POMGNT2: variants seen among roughly 807,000 people sequenced by gnomAD.
POMGNT2 encodes protein O-linked mannose N-acetylglucosaminyltransferase 2 (beta 1,4-), also known as protein O-linked-mannose beta-1,4-N-acetylglucosaminyltransferase 2.
A neutral mutation model predicts 37.8 loss-of-function variants in POMGNT2; 32 were observed. That is an observed-to-expected ratio of 0.85 (90% CI 0.64 to 1.14). POMGNT2 has a LOEUF of 1.14. Ranked by LOEUF, POMGNT2 falls within the 50% of genes most tolerant of loss-of-function variation. The pLI is 0.00. For synonymous variants in POMGNT2, 340 were observed against 336.8 expected (o/e 1.01, Z -0.10); for missense variants, 705 against 780.6 (o/e 0.90, Z 1.15).
Position 43,080,327 on chromosome 3 carries a change from C to T in POMGNT2, c.1105G>A (p.Val369Ile), listed in dbSNP as rs2125699956. Residue 369 changes from valine (V) to isoleucine (I), a missense_variant, in exon 2 of 2, where the codon GTC becomes ATC. Coordinates refer to ENST00000344697, the MANE Select transcript of POMGNT2 (RefSeq NM_032806.6). ...ATVVELFPYA[V>I]NPDHYTPYKT... ...TAGGGAGTGTAGTGGTCGGGATTGA[C>T]AGCATATGGGAAGAGCTCTACCACA... 2 of 1,614,180 alleles carry T rather than the reference C, an allele frequency of 1.2e-6. No homozygotes were observed. Among genetic ancestry groups the T allele is most frequent in the East Asian group, 2.2e-5 (1 of 44,872 alleles).
In POMGNT2 at chr3:43,080,974, G is replaced by T; in HGVS notation, c.458C>A (p.Ala153Asp). ...GGGGTTGAAGCGGTTGGCGATGAGG[G>T]CCACGTCTGGCACGAACACCGGCTT... ...MPKPVFVPDV[A>D]LIANRFNPDN... Residue 153 changes from alanine to aspartate, a missense_variant, in exon 2 of 2, where the codon GCC becomes GAC. Coordinates refer to ENST00000344697, the MANE Select transcript of POMGNT2 (RefSeq NM_032806.6). 1.9e-6 allele frequency: 3 copies of T among 1,614,228 alleles called. No individual in the cohort carries two copies. Among genetic ancestry groups the T allele is most frequent in the Non-Finnish European group, 2.5e-6 (3 of 1,180,038 alleles).
chr3:43,101,392 GC>G (rs2090018168), intron 1 of POMGNT2, among the ~76,000 whole-genome samples: 1 of 152,138 alleles, frequency 6.6e-6, no homozygotes, highest in African/African-American at 2.4e-5. Context: ...AAGTGGTCTA[GC>G]AAAAAACAAA....
chr3:43,081,281 T>A lies in POMGNT2; in HGVS notation c.151A>T (p.Ile51Phe). Residue 51 changes from isoleucine to phenylalanine, a missense_variant, in exon 2 of 2, where the codon ATC becomes TTC. By Grantham distance (21) the Ile-to-Phe change is conservative. Coordinates refer to ENST00000344697, the MANE Select transcript of POMGNT2 (RefSeq NM_032806.6). Reference protein sequence around the residue: ...QATEPAPALRIDYPKALQILM... With the variant: ...QATEPAPALRFDYPKALQILM... Reference sequence around the variant, plus strand: ...ATCTGCAGTGCCTTCGGGTAGTCGATCCTCAGTGCTGGGGCTGGCTCTGTG... The same window carrying A: ...ATCTGCAGTGCCTTCGGGTAGTCGAACCTCAGTGCTGGGGCTGGCTCTGTG... The A allele has an allele frequency of 6.2e-7, 1 of 1,613,284 alleles. No individual in the cohort carries two copies.
intron 1 of POMGNT2, among the ~76,000 whole-genome samples, chr3:43,096,105 T>C (rs1413590161): frequency 6.6e-6 from 1 of 152,182 alleles, no homozygotes; most frequent in Non-Finnish European, 1.5e-5. Context: ...TGCTTTCCTT[T>C]AGAAAAGCGG....
At chr3:43,092,525 T>G (rs2089951530) in intron 1 of POMGNT2, among the ~76,000 whole-genome samples, 1 of 152,182 alleles carries the variant, frequency 6.6e-6, no homozygotes, top group Admixed American at 6.5e-5. Context: ...ATTGAACTCT[T>G]GTCCTCAAGC....
At chr3:43,093,284 C>T (rs182282882) in intron 1 of POMGNT2, among the ~76,000 whole-genome samples, 190 of 152,320 alleles carry the variant, frequency 1.2e-3, no homozygotes, top group East Asian at 3.9e-4. Flanking sequence ...GTGAGGCAAA[C>T]TGGCAACTAA....
At chr3:43,097,822 G>C (rs12634345) in intron 1 of POMGNT2, among the ~76,000 whole-genome samples, 6,362 of 152,316 alleles carry the variant, frequency 0.042, 212 homozygotes, top group South Asian at 0.15. Context: ...ATTGAGTGAA[G>C]ACAACGTGCA....
intron 1 of POMGNT2, among the ~76,000 whole-genome samples, chr3:43,093,400 T>TC (rs986365743): frequency 3.0e-4 from 45 of 152,166 alleles, no homozygotes; most frequent in African/African-American, 1.0e-3. Flanking sequence ...CATCCTCCTA[T>TC]CCCCACTCTC....
Position 43,080,131 on chromosome 3 carries a change from T to C in POMGNT2, c.1301A>G (p.His434Arg). ...CCACTCGGGGTTCCGGCAACAGAGATGCCGTGGGACCTCACGGCTTTGCAG... is the reference window on the plus strand; with the variant it reads ...CCACTCGGGGTTCCGGCAACAGAGACGCCGTGGGACCTCACGGCTTTGCAG... ...RILQSREVPR[H>R]LCCRNPEWLF... The change falls in exon 2 of 2, where the codon CAT becomes CGT. Residue 434 changes from histidine (H) to arginine (R), a missense_variant. Physicochemically the swap from His to Arg is conservative, Grantham distance 29. Coordinates refer to ENST00000344697, the MANE Select transcript of POMGNT2 (RefSeq NM_032806.6). The C allele has an allele frequency of 6.2e-7, 1 of 1,613,940 alleles. No individual in the cohort carries two copies. The highest frequency in any genetic ancestry group is 1.3e-5 in the African/African-American group (1 of 75,058).
intron 1 of POMGNT2, among the ~76,000 whole-genome samples, chr3:43,097,197 G>A (rs764542890): frequency 9.2e-5 from 14 of 152,306 alleles, no homozygotes; most frequent in South Asian, 2.1e-4. Flanking sequence ...AGAGTAGGAG[G>A]TGCACACTCA....
rs2089825108 is a variant in POMGNT2, at chr3:43,079,476, C to CA, written c.*212dup. On this transcript the variant is annotated 3_prime_UTR_variant, in exon 2 of 2. Transcript: ENST00000344697. ...CTGCTAAGGAACTTCTCCAGGGGTA[C>CA]AAATGTTCAGGATGGGAGAAGGGGA... 1.9e-6 allele frequency: 1 copy of CA among 529,954 alleles called. No individual in the cohort carries two copies. The highest frequency in any genetic ancestry group is 1.9e-5 in the African/African-American group (1 of 52,020). 32.8% of individuals were successfully genotyped at this position (529,954 alleles called of 1,614,324 possible).
intron 1 of POMGNT2, among the ~76,000 whole-genome samples, chr3:43,085,674 A>G (rs2089892439): frequency 1.3e-5 from 2 of 152,038 alleles, no homozygotes. Flanking sequence ...AAACGGACTA[A>G]TACGCTATCC....
intron 1 of POMGNT2, among the ~76,000 whole-genome samples, chr3:43,095,463 T>C (rs1448086690): frequency 1.3e-5 from 2 of 151,968 alleles, no homozygotes; most frequent in African/African-American, 4.8e-5. Flanking sequence ...AAAAAACAGA[T>C]CAGCCCTTTT....
In POMGNT2 at chr3:43,080,128, A is replaced by G. The variant is rs142458115; in HGVS notation, c.1304T>C (p.Leu435Pro). 1.8e-4 allele frequency: 290 copies of G among 1,613,764 alleles called. No individual in the cohort carries two copies. Among genetic ancestry groups the G allele is most frequent in the Non-Finnish European group, 2.2e-4 (265 of 1,179,978 alleles). ...ILQSREVPRH[L>P]CCRNPEWLFR... ...GAGCCACTCGGGGTTCCGGCAACAGAGATGCCGTGGGACCTCACGGCTTTG... is the reference window on the plus strand; with the variant it reads ...GAGCCACTCGGGGTTCCGGCAACAGGGATGCCGTGGGACCTCACGGCTTTG... Residue 435 changes from leucine (L) to proline (P), a missense_variant, in exon 2 of 2, where the codon CTC becomes CCC. Physicochemically the swap from Leu to Pro is moderately conservative, Grantham distance 98. Coordinates refer to ENST00000344697, the MANE Select transcript of POMGNT2 (RefSeq NM_032806.6).
At chr3:43,095,103 CAG>C (rs1425326720) in intron 1 of POMGNT2, among the ~76,000 whole-genome samples, 1 of 152,018 alleles carries the variant, frequency 6.6e-6, no homozygotes, top group Non-Finnish European at 1.5e-5. Flanking sequence ...ATTTTCCATC[CAG>C]AGAGAGGCTC....
In POMGNT2 at chr3:43,080,949, G is replaced by A. The variant is rs548747822; in HGVS notation, c.483C>T (p.Pro161=). ...CATGAAAGACGTGCATGAGGTTGTC[G>A]GGGTTGAAGCGGTTGGCGATGAGGG... is the stretch of plus-strand genomic sequence containing the variant. ...DVALIANRFN[P]DNLMHVFHDD... is the part of the protein sequence containing the mutation. Residue 161 remains proline (P), a synonymous_variant, in exon 2 of 2, where the codon CCC becomes CCT. Transcript: ENST00000344697. 30 of 1,614,166 alleles carry A rather than the reference G, an allele frequency of 1.9e-5. No individual in the cohort carries two copies. Among genetic ancestry groups the A allele is most frequent in the South Asian group, 6.6e-5 (6 of 91,082 alleles).
chr3:43,105,613 C>T (rs1315438844), intron 1 of POMGNT2, among the ~76,000 whole-genome samples: 1 of 145,894 alleles, frequency 6.9e-6, no homozygotes, highest in Non-Finnish European at 1.5e-5. Flanking sequence ...TGAGGGTCCA[C>T]CCCCGCCCCG....
intron 1 of POMGNT2, among the ~76,000 whole-genome samples, chr3:43,089,654 G>A (rs550804623): frequency 2.6e-5 from 4 of 152,176 alleles, no homozygotes; most frequent in African/African-American, 7.2e-5. Flanking sequence ...AGAAGGGAGC[G>A]CACAGAGGAA....
chr3:43,100,857 G>C lies in POMGNT2; in HGVS notation c.-106+4979C>G, dbSNP rs561430975. ...TGATGTTTTCTCATGATTAGGTTCAGGTTATGCATTTTCGTGAGGAATTAG... is the reference window on the plus strand; with the variant it reads ...TGATGTTTTCTCATGATTAGGTTCACGTTATGCATTTTCGTGAGGAATTAG... On this transcript the variant is annotated intron_variant, in intron 1 of 1. Transcript: ENST00000344697. Among the ~76,000 whole-genome samples, 9 of 152,246 alleles carry C rather than the reference G, an allele frequency of 5.9e-5. No homozygotes were observed. In the South Asian group the frequency reaches 1.9e-3, roughly 32 times the overall value.
Sources: gnomAD v4.1 joint callset for allele counts (sites outside exome capture counted in the v4.1 genomes callset) on GRCh38, gnomAD v4.1.1 for gene constraint, MANE v1.5 for transcripts, NCBI Gene and HGNC (gene_info 2026-07-23, HGNC 2026-07-21) for gene names.